Variants in GALNT13 observed in about 807,000 individuals in gnomAD.
The protein encoded by GALNT13 is UDP-GalNAc:polypeptide N-acetylgalactosaminyltransferase 13.
Under a neutral mutation model 64.2 loss-of-function variants are expected in GALNT13, and 28 were observed. The ratio of observed to expected loss-of-function variants is 0.44; its 90% CI spans 0.32 to 0.60. GALNT13 has a LOEUF of 0.60. Ranked by LOEUF, GALNT13 falls within the 20% of genes least tolerant of loss-of-function variation. GALNT13 has a pLI of 0.05. For synonymous variants in GALNT13, 214 were observed against 224.6 expected (o/e 0.95, Z 0.42); for missense variants, 577 against 669.8 (o/e 0.86, Z 1.53).
At chr2:153,237,189 G>A in the GALNT13 span, among the ~76,000 whole-genome samples, 4 of 151,810 alleles carry the variant, frequency 2.6e-5, no homozygotes, top group African/African-American at 9.7e-5. Context: ...AATAAAATAC[G>A]TTTTTCCTCT....
chr2:153,610,296 TG>T, the GALNT13 span, among the ~76,000 whole-genome samples: 1 of 152,082 alleles, frequency 6.6e-6, no homozygotes. Context: ...AAAAAGAATT[TG>T]AAACAGAAAA....
intron 12 of GALNT13, among the ~76,000 whole-genome samples, chr2:154,440,801 T>G (rs936484784): frequency 1.3e-5 from 2 of 152,182 alleles, no homozygotes; most frequent in Admixed American, 1.3e-4. Flanking sequence ...GACATGAGAA[T>G]AGAGCAATTG....
At chr2:153,915,424 G>A (rs1202486425) in intron 2 of GALNT13, among the ~76,000 whole-genome samples, 1 of 152,066 alleles carries the variant, frequency 6.6e-6, no homozygotes, top group African/African-American at 2.4e-5. Context: ...ACACTGTTCT[G>A]TTGGCCAATT....
chr2:154,055,776 A>C (rs10490537), intron 3 of GALNT13, among the ~76,000 whole-genome samples: 13,123 of 152,170 alleles, frequency 0.086, 1,524 homozygotes, highest in East Asian at 0.62. Flanking sequence ...CCACAGATTT[A>C]GATTCATTCT....
At chr2:153,962,561 G>A (rs1693019707) in intron 3 of GALNT13, among the ~76,000 whole-genome samples, 3 of 152,176 alleles carry the variant, frequency 2.0e-5, no homozygotes, top group Admixed American at 1.3e-4. Context: ...ACAACTGAGA[G>A]TAAGGTGATT....
At chr2:153,844,624 C>T in the GALNT13 span, among the ~76,000 whole-genome samples, 1 of 152,210 alleles carries the variant, frequency 6.6e-6, no homozygotes, top group Non-Finnish European at 1.5e-5. Flanking sequence ...TTATAGCCTG[C>T]TTGTATTCTT....
At chr2:153,598,278 G>A in the GALNT13 span, among the ~76,000 whole-genome samples, 1 of 152,052 alleles carries the variant, frequency 6.6e-6, no homozygotes, top group African/African-American at 2.4e-5. Flanking sequence ...TGCTACTGCA[G>A]CTACTCTGAC....
intron 11 of GALNT13, among the ~76,000 whole-genome samples, chr2:154,434,891 G>T (rs1371902897): frequency 2.6e-5 from 4 of 152,092 alleles, no homozygotes; most frequent in Non-Finnish European, 4.4e-5. Flanking sequence ...TAGAAGAATA[G>T]AGCAAATTTA....
chr2:153,719,703 C>T, the GALNT13 span, among the ~76,000 whole-genome samples: 9 of 151,948 alleles, frequency 5.9e-5, no homozygotes, highest in African/African-American at 9.7e-5. Flanking sequence ...GGGTGACGGA[C>T]GCACCTGGAA....
At chr2:153,354,582 A>C in the GALNT13 span, among the ~76,000 whole-genome samples, 1 of 152,210 alleles carries the variant, frequency 6.6e-6, no homozygotes, top group Non-Finnish European at 1.5e-5. Flanking sequence ...GGGATGCTAC[A>C]TGACCATAAC....
At chr2:154,142,883 T>C (rs996118055) in intron 4 of GALNT13, among the ~76,000 whole-genome samples, 26 of 152,136 alleles carry the variant, frequency 1.7e-4, no homozygotes, top group African/African-American at 4.8e-4. Context: ...CATTTAAAAG[T>C]ACATACAATA....
At chr2:154,079,926 C>T (rs74431697) in intron 3 of GALNT13, among the ~76,000 whole-genome samples, 6 of 151,384 alleles carry the variant, frequency 4.0e-5, no homozygotes, top group African/African-American at 1.5e-4. Context: ...ACATTTTATT[C>T]TTTTGTTTAT....
chr2:153,198,780 A>C, the GALNT13 span, among the ~76,000 whole-genome samples: 1 of 152,162 alleles, frequency 6.6e-6, no homozygotes, highest in Non-Finnish European at 1.5e-5. Context: ...AGGTGATTGA[A>C]GATATCACCT....
the GALNT13 span, among the ~76,000 whole-genome samples, chr2:153,635,310 G>A: frequency 6.6e-6 from 1 of 151,124 alleles, no homozygotes; most frequent in East Asian, 1.9e-4. Context: ...TTTGCTTCAG[G>A]TAATTTGAAG....
At chr2:153,498,411 A>G in the GALNT13 span, among the ~76,000 whole-genome samples, 1 of 152,182 alleles carries the variant, frequency 6.6e-6, no homozygotes, top group Non-Finnish European at 1.5e-5. Context: ...CCCAGATCCC[A>G]TACTTGCCAA....
At chr2:153,321,072 C>T in the GALNT13 span, among the ~76,000 whole-genome samples, 2 of 152,144 alleles carry the variant, frequency 1.3e-5, no homozygotes, top group Non-Finnish European at 2.9e-5. Context: ...GATATAAGTA[C>T]TACATGTTCC....
intron 9 of GALNT13, among the ~76,000 whole-genome samples, chr2:154,383,150 C>T (rs1446148011): frequency 6.6e-6 from 1 of 151,834 alleles, no homozygotes; most frequent in Admixed American, 6.6e-5. Flanking sequence ...CAGAAGTACA[C>T]AATCCCAGAA....
At chr2:153,089,499 C>T in the GALNT13 span, among the ~76,000 whole-genome samples, 1 of 152,108 alleles carries the variant, frequency 6.6e-6, no homozygotes, top group Non-Finnish European at 1.5e-5. Flanking sequence ...CTTTGAGCTT[C>T]TTGTGTTTGG....
intron 3 of GALNT13, among the ~76,000 whole-genome samples, chr2:153,968,314 G>A (rs1226123777): frequency 6.6e-6 from 1 of 152,180 alleles, no homozygotes; most frequent in Non-Finnish European, 1.5e-5. Context: ...CCGTCTGTGA[G>A]CACCAGCAGA....
Sources: gnomAD v4.1 joint callset for allele counts (sites outside exome capture counted in the v4.1 genomes callset) on GRCh38, gnomAD v4.1.1 for gene constraint, MANE v1.5 for transcripts, NCBI Gene and HGNC (gene_info 2026-07-23, HGNC 2026-07-21) for gene names.